The following SATB2 variants were observed in gnomAD, a reference collection of about 807,000 sequenced individuals.
SATB2 encodes the protein SATB homeobox 2.
Under a neutral mutation model 73.4 loss-of-function variants are expected in SATB2, and 1 was observed. The observed-to-expected ratio is 0.01, with a 90% confidence interval of 0.00 to 0.06. The LOEUF (loss-of-function observed/expected upper bound fraction) is 0.06, where lower values mean the gene tolerates loss of function less well. Among genes scored for constraint, SATB2 ranks in the 10% least tolerant of loss-of-function variants. The pLI, the probability that SATB2 is intolerant of heterozygous loss-of-function variation, is 1.00. For missense variants in SATB2, 459 were observed against 945.8 expected (o/e 0.49, Z 6.75); for synonymous variants, 397 against 367.0 (o/e 1.08, Z -0.93).
intron 6 of SATB2, among the ~76,000 whole-genome samples, chr2:199,357,351 CATT>C (rs1195206245): frequency 6.6e-5 from 10 of 152,270 alleles, no homozygotes; most frequent in Admixed American, 1.3e-4. Context: ...GTGATGAAAT[CATT>C]GATTCCTCAA....
intron 2 of SATB2, among the ~76,000 whole-genome samples, chr2:199,449,060 T>C (rs912264471): frequency 3.3e-5 from 5 of 152,218 alleles, no homozygotes; most frequent in African/African-American, 1.2e-4. Context: ...TTTCAAATTC[T>C]TAAAATTTCT....
At chr2:199,429,107 T>G (rs1691424103) in intron 3 of SATB2, among the ~76,000 whole-genome samples, 1 of 152,296 alleles carries the variant, frequency 6.6e-6, no homozygotes, top group Non-Finnish European at 1.5e-5. Flanking sequence ...ATTGATTCTT[T>G]TTTTAATCTT....
At chr2:199,296,157 G>A (rs1256181870) in intron 10 of SATB2, among the ~76,000 whole-genome samples, 2 of 152,162 alleles carry the variant, frequency 1.3e-5, no homozygotes, top group Non-Finnish European at 2.9e-5. Flanking sequence ...CTGGGTCTCT[G>A]AGTCCAATAT....
At chr2:199,461,353 G>C (rs767192581), upstream of SATB2, among the ~76,000 whole-genome samples, 1 of 152,128 alleles carries the variant, frequency 6.6e-6, no homozygotes, top group Non-Finnish European at 1.5e-5. Context: ...TATTTTAATA[G>C]TTTTACCTTT....
chr2:199,416,864 A>C (rs959117356), intron 3 of SATB2, among the ~76,000 whole-genome samples: 1 of 151,978 alleles, frequency 6.6e-6, no homozygotes, highest in African/African-American at 2.4e-5. Context: ...GTGAAACCCT[A>C]TCTCTACTAA....
intron 10 of SATB2, among the ~76,000 whole-genome samples, chr2:199,284,857 A>G (rs1254734221): frequency 6.6e-6 from 1 of 152,134 alleles, no homozygotes; most frequent in Non-Finnish European, 1.5e-5. Flanking sequence ...CCCAAACAAT[A>G]TAGTATAATA....
At chr2:199,415,127 C>T (rs535154848) in intron 3 of SATB2, among the ~76,000 whole-genome samples, 216 of 152,288 alleles carry the variant, frequency 1.4e-3, no homozygotes, top group Non-Finnish European at 2.6e-3. Flanking sequence ...CAATTATGTG[C>T]GTATTAAAAT....
chr2:199,386,743 CA>C (rs879571585), intron 3 of SATB2, among the ~76,000 whole-genome samples: 2 of 151,462 alleles, frequency 1.3e-5, no homozygotes, highest in Non-Finnish European at 2.9e-5. Context: ...CACACACACA[CA>C]CACACACACA....
chr2:199,327,532 C>T (rs1015003754), intron 8 of SATB2, among the ~76,000 whole-genome samples: 7 of 152,128 alleles, frequency 4.6e-5, no homozygotes, highest in Non-Finnish European at 7.4e-5. Flanking sequence ...CAACAGTGAA[C>T]GGACTGGCCT....
intron 6 of SATB2, among the ~76,000 whole-genome samples, chr2:199,352,571 C>T (rs1688850664): frequency 6.6e-6 from 1 of 152,136 alleles, no homozygotes; most frequent in Non-Finnish European, 1.5e-5. Context: ...GACATAGCAA[C>T]ATATTACATC....
intron 7 of SATB2, among the ~76,000 whole-genome samples, chr2:199,332,834 G>C (rs1688227037): frequency 1.3e-5 from 2 of 152,058 alleles, no homozygotes; most frequent in African/African-American, 4.8e-5. Flanking sequence ...CTACTTCCAA[G>C]TTTTTGCACT....
chr2:199,407,775 A>G (rs1202056664), intron 3 of SATB2, among the ~76,000 whole-genome samples: 2 of 152,248 alleles, frequency 1.3e-5, no homozygotes, highest in Non-Finnish European at 2.9e-5. Flanking sequence ...ATCTGGATGC[A>G]GTAAATGAGT....
At chr2:199,421,775 G>C in intron 3 of SATB2, among the ~76,000 whole-genome samples, 1 of 152,110 alleles carries the variant, frequency 6.6e-6, no homozygotes, top group Admixed American at 6.5e-5. Context: ...AAAAACAAAC[G>C]CTTAACTCCT....
intron 4 of SATB2, among the ~76,000 whole-genome samples, chr2:199,380,826 G>T (rs761699753): frequency 6.6e-6 from 1 of 152,178 alleles, no homozygotes; most frequent in Non-Finnish European, 1.5e-5. Flanking sequence ...TAATTATTGT[G>T]CATGCCTAAG....
intron 7 of SATB2, among the ~76,000 whole-genome samples, chr2:199,341,824 C>G (rs2105813630): frequency 6.6e-6 from 1 of 152,240 alleles, no homozygotes; most frequent in East Asian, 1.9e-4. Context: ...CGCAGATCCT[C>G]AGATAGAGAC....
chr2:199,401,627 T>TA (rs1690481708), intron 3 of SATB2, among the ~76,000 whole-genome samples: 1 of 151,706 alleles, frequency 6.6e-6, no homozygotes, highest in Non-Finnish European at 1.5e-5. Context: ...CCCAAGGGAT[T>TA]AAAAAATAAT....
At chr2:199,334,068 C>CA (rs996142926) in intron 7 of SATB2, among the ~76,000 whole-genome samples, 1 of 151,980 alleles carries the variant, frequency 6.6e-6, no homozygotes, top group African/African-American at 2.4e-5. Flanking sequence ...TAACTTGATC[C>CA]AAAAAATATT....
intron 9 of SATB2, among the ~76,000 whole-genome samples, chr2:199,314,896 C>G (rs757696000): frequency 6.6e-6 from 1 of 152,068 alleles, no homozygotes; most frequent in Non-Finnish European, 1.5e-5. Flanking sequence ...TTTCCCCCAC[C>G]TTCTTCCTTT....
chr2:199,287,711 G>A (rs750517508), intron 10 of SATB2, among the ~76,000 whole-genome samples: 7 of 151,942 alleles, frequency 4.6e-5, no homozygotes, highest in Non-Finnish European at 8.8e-5. Context: ...CTCCATGGTC[G>A]TATATCAAAT....
Sources: allele counts gnomAD v4.1 joint callset (sites outside exome capture counted in the v4.1 genomes callset), GRCh38; gene constraint gnomAD v4.1.1; transcripts MANE v1.5; gene names NCBI Gene and HGNC (gene_info 2026-07-23, HGNC 2026-07-21).